DIP2C: variants seen among roughly 807,000 people sequenced by gnomAD.
DIP2C encodes the protein DIP2 acetate--CoA ligase C (putative).
A neutral mutation model predicts 192.4 loss-of-function variants in DIP2C; 33 were observed. That is an observed-to-expected ratio of 0.17 (90% CI 0.13 to 0.23). The LOEUF (loss-of-function observed/expected upper bound fraction) is 0.23. Ranked by LOEUF, DIP2C falls within the 10% of genes least tolerant of loss-of-function variation. DIP2C has a pLI of 1.00. For synonymous variants in DIP2C, 979 were observed against 864.1 expected, an observed-to-expected ratio of 1.13 and a Z score of -2.33; for missense variants, 1,537 against 2,110.1, an observed-to-expected ratio of 0.73 and a Z score of 5.32.
At chr10:391,089 G>C (rs1480457004) in intron 10 of DIP2C, among the ~76,000 whole-genome samples, 3 of 152,226 alleles carry the variant, frequency 2.0e-5, no homozygotes, top group Non-Finnish European at 4.4e-5. Context: ...TCCCAGGTTT[G>C]TTGAGGGATA....
At chr10:602,953 C>T (rs984065153) in intron 1 of DIP2C, among the ~76,000 whole-genome samples, 2 of 152,112 alleles carry the variant, frequency 1.3e-5, no homozygotes, top group South Asian at 2.1e-4. Context: ...TCACCGGAGC[C>T]GTTGGGGGAG....
At chr10:279,549 G>C (rs1371883280) in intron 36 of DIP2C, among the ~76,000 whole-genome samples, 1 of 152,248 alleles carries the variant, frequency 6.6e-6, no homozygotes, top group East Asian at 1.9e-4. Flanking sequence ...GAGAAAGTTT[G>C]TTTGGCTTGA....
At position 289,793 on chromosome 10, in the gene DIP2C, G is replaced by A. The variant is rs1457888553; in HGVS notation, c.3987-1372C>T. On this transcript the variant is annotated intron_variant, in intron 32 of 36. Transcript: ENST00000280886. Reference sequence around the variant, plus strand: ...AGGGTGCGCACCCCTCTGGGAATGGGGGTGTTTCTGCTGCCACAGTGGGAG... The same window carrying A: ...AGGGTGCGCACCCCTCTGGGAATGGAGGTGTTTCTGCTGCCACAGTGGGAG... Among the ~76,000 whole-genome samples, 3 of 152,314 alleles carry A rather than the reference G, an allele frequency of 2.0e-5. No homozygotes were observed. In the East Asian group the frequency reaches 5.8e-4, roughly 29 times the overall value.
intron 13 of DIP2C, 23 bp downstream of exon 13, chr10:389,968 G>A (rs1963325130): frequency 6.3e-7 from 1 of 1,593,336 alleles, no homozygotes; most frequent in African/African-American, 1.3e-5. Flanking sequence ...AGGGTCCCAA[G>A]GAGTCAGGGT....
chr10:346,478 T>C (rs1213632883), intron 26 of DIP2C, among the ~76,000 whole-genome samples: 11 of 105,648 alleles, frequency 1.0e-4, no homozygotes, highest in African/African-American at 1.7e-4. Flanking sequence ...TCGCGCATAG[T>C]TCTCCCGGAA....
At chr10:588,296 C>G (rs1851199052) in intron 1 of DIP2C, among the ~76,000 whole-genome samples, 1 of 152,382 alleles carries the variant, frequency 6.6e-6, no homozygotes, top group South Asian at 2.1e-4. Context: ...CCACACCAGC[C>G]ACAGGAGGGC....
intron 29 of DIP2C, among the ~76,000 whole-genome samples, chr10:334,743 T>TAA (rs559357038): frequency 5.7e-4 from 87 of 152,336 alleles, no homozygotes; most frequent in Admixed American, 1.3e-3. Context: ...ACCATAAATA[T>TAA]AAGGGTTTAT....
intron 1 of DIP2C, among the ~76,000 whole-genome samples, chr10:625,348 A>ACATC (rs986869616): frequency 5.3e-5 from 8 of 152,298 alleles, no homozygotes; most frequent in Admixed American, 2.0e-4. Context: ...AAACTCAAAT[A>ACATC]CATCCTAAAA....
intron 17 of DIP2C, among the ~76,000 whole-genome samples, chr10:376,184 T>C (rs958897653): frequency 6.6e-6 from 1 of 152,128 alleles, no homozygotes; most frequent in Non-Finnish European, 1.5e-5. Context: ...ATCCTCAAGG[T>C]GAAGCCCTGC....
intron 1 of DIP2C, chr10:650,540 C>T (rs369977198): frequency 9.1e-6 from 6 of 657,756 alleles, no homozygotes; most frequent in African/African-American, 1.8e-5. Context: ...CCATGACAGC[C>T]GTGTCCCTGA....
chr10:516,951 G>A (rs998535853), intron 1 of DIP2C, among the ~76,000 whole-genome samples: 19 of 151,252 alleles, frequency 1.3e-4, no homozygotes, highest in Admixed American at 3.9e-4. Context: ...CATCAGCCAG[G>A]AGAGGCATCC....
intron 30 of DIP2C, among the ~76,000 whole-genome samples, chr10:328,871 A>G (rs1345611093): frequency 6.6e-6 from 1 of 152,230 alleles, no homozygotes; most frequent in Non-Finnish European, 1.5e-5. Flanking sequence ...GGACTACTTA[A>G]TTTACCATGA....
intron 31 of DIP2C, among the ~76,000 whole-genome samples, chr10:314,864 T>G (rs1037436155): frequency 3.3e-5 from 5 of 152,208 alleles, no homozygotes; most frequent in Admixed American, 1.3e-4. Context: ...ACTACTGCAT[T>G]AGGGATTATA....
Position 420,025 on chromosome 10 carries a change from C to T in DIP2C, c.605-826G>A, listed in dbSNP as rs1057062784. On this transcript the variant is annotated intron_variant, in intron 5 of 36. Coordinates refer to ENST00000280886, the MANE Select transcript of DIP2C (RefSeq NM_014974.3). ...CCCAGAATCTTGATGACGGGCGCCA[C>T]GATGCGGATCGCGATCCTGAATCCT... 1.2e-4 allele frequency among the ~76,000 whole-genome samples: 18 copies of T among 152,294 alleles called. No homozygotes were observed. In the South Asian group the frequency reaches 3.7e-3, roughly 32 times the overall value.
chr10:542,799 T>A (rs775190375), intron 1 of DIP2C, among the ~76,000 whole-genome samples: 1 of 151,448 alleles, frequency 6.6e-6, no homozygotes, highest in Non-Finnish European at 1.5e-5. Context: ...CAGATCCCAG[T>A]TCTTATCAGA....
intron 1 of DIP2C, among the ~76,000 whole-genome samples, chr10:527,206 C>G (rs1219345331): frequency 1.3e-5 from 2 of 152,232 alleles, no homozygotes; most frequent in Non-Finnish European, 2.9e-5. Context: ...GTGGGTGCAT[C>G]TGCAGCTGTT....
chr10:599,570 G>C (rs1250336739), intron 1 of DIP2C, among the ~76,000 whole-genome samples: 1 of 152,186 alleles, frequency 6.6e-6, no homozygotes, highest in African/African-American at 2.4e-5. Flanking sequence ...AGGCAGTGCT[G>C]TTCAGGAAAA....
chr10:337,581 ATGTG>A lies in DIP2C; in HGVS notation c.3584+3614_3584+3617del, dbSNP rs547049566. 1.4e-3 allele frequency among the ~76,000 whole-genome samples: 144 copies of A among 100,416 alleles called. 1 individual carries two copies. Among genetic ancestry groups the A allele is most frequent in the South Asian group, 7.1e-3 (20 of 2,818 alleles). 65.9% of individuals were successfully genotyped at this position (100,416 alleles called of 152,430 possible). A position where few individuals can be genotyped will look rare whatever the true frequency, so the allele number is the denominator to read the frequency against. On this transcript the variant is annotated intron_variant, in intron 29 of 36. Coordinates refer to ENST00000280886, the MANE Select transcript of DIP2C (RefSeq NM_014974.3). ...GTGTGTGCTGTGGAGGCCTAGGCTG[ATGTG>A]TGTGTGTGTGTTCTGTGGAGGCCTA...
At chr10:548,850 A>G (rs1848440932) in intron 1 of DIP2C, among the ~76,000 whole-genome samples, 1 of 150,254 alleles carries the variant, frequency 6.7e-6, no homozygotes, top group South Asian at 2.1e-4. Context: ...AAAGCACGGT[A>G]CAAATATAGC....
Sources: allele counts gnomAD v4.1 joint callset (sites outside exome capture counted in the v4.1 genomes callset), GRCh38; gene constraint gnomAD v4.1.1; transcripts MANE v1.5; gene names NCBI Gene and HGNC (gene_info 2026-07-23, HGNC 2026-07-21).